TRPM2: variants seen among roughly 807,000 people sequenced by gnomAD.
TRPM2 encodes the protein estrogen-responsive element-associated gene 1 protein.
Under a neutral mutation model 174.0 loss-of-function variants are expected in TRPM2, and 161 were observed. The ratio of observed to expected loss-of-function variants is 0.93; its 90% CI spans 0.81 to 1.05. The LOEUF is 1.05. TRPM2 is among the 50% of genes least tolerant of loss of function. The pLI is 0.00. For synonymous variants in TRPM2, 954 were observed against 861.3 expected (o/e 1.11, Z -1.88); for missense variants, 2,057 against 2,038.0 (o/e 1.01, Z -0.18).
intron 5 of TRPM2, among the ~76,000 whole-genome samples, chr21:44,374,707 G>C (rs1602158222): frequency 6.6e-6 from 1 of 152,132 alleles, no homozygotes; most frequent in Admixed American, 6.5e-5. Context: ...TCTGACAGGA[G>C]GTGGAGCTCG....
chr21:44,356,246 A>T (rs1199836873), intron 2 of TRPM2, among the ~76,000 whole-genome samples: 3 of 149,958 alleles, frequency 2.0e-5, no homozygotes, highest in Admixed American at 2.0e-4. Context: ...GAATCTGCAG[A>T]TGCAAAACTC....
At chr21:44,405,604 C>T (rs1569075291) in intron 17 of TRPM2, among the ~76,000 whole-genome samples, 1 of 152,142 alleles carries the variant, frequency 6.6e-6, no homozygotes, top group Non-Finnish European at 1.5e-5. Flanking sequence ...GCCTGTGATG[C>T]TCTCGTGTCT....
rs1277236527 is a variant in TRPM2, at chr21:44,367,609, C to T, written c.604+675C>T. Among the ~76,000 whole-genome samples, 2 of 152,170 alleles carry T rather than the reference C, an allele frequency of 1.3e-5. No individual in the cohort carries two copies. The highest frequency in any genetic ancestry group is 4.8e-5 in the African/African-American group (2 of 41,452). On this transcript the variant is annotated intron_variant, in intron 4 of 31. Coordinates refer to ENST00000397928, the MANE Select transcript of TRPM2 (RefSeq NM_003307.4). This position sits in a 1 kb window ranked among gnomAD's most constrained non-coding sequence, Gnocchi z 4.6. ...AGGGGGCCCCAAGTCCTCAAGGCTC[C>T]CTGGGCCTCCCTGGAGGGGACTGTG...
Position 44,414,053 on chromosome 21 carries a change from ACCT to A in TRPM2, c.3130_3132del (p.Leu1044del), listed in dbSNP as rs2050194655. On this transcript the variant is annotated inframe_deletion, in exon 20 of 32. Coordinates refer to ENST00000397928, the MANE Select transcript of TRPM2 (RefSeq NM_003307.4). ...CTCTTCACCAACATCCTGCTGCTCA[ACCT>A]CCTCATCGCCATGTTCAAGTGAGCG... 4.4e-6 allele frequency: 7 copies of A among 1,598,688 alleles called. No individual in the cohort carries two copies. Among genetic ancestry groups the A allele is most frequent in the South Asian group, 2.2e-5 (2 of 90,896 alleles).
At chr21:44,414,303 G>C (rs1446066856) in intron 20 of TRPM2, among the ~76,000 whole-genome samples, 1 of 152,242 alleles carries the variant, frequency 6.6e-6, no homozygotes, top group African/African-American at 2.4e-5. Context: ...GTCTGTCCTT[G>C]TGGCTGCTGG....
Position 44,439,947 on chromosome 21 carries a change from T to C in TRPM2, c.4269+779T>C, listed in dbSNP as rs1238854923. ...CATGTTGCCCAGGCTGGTCATGAAC[T>C]GGGCTCAAGCGATCTGCCCACCTCA... On this transcript the variant is annotated intron_variant, in intron 30 of 31. Transcript: ENST00000397928. This position sits in a 1 kb window ranked among gnomAD's most constrained non-coding sequence, Gnocchi z 5.1. Among the ~76,000 whole-genome samples, 1 of 151,930 alleles carries C rather than the reference T, an allele frequency of 6.6e-6. No homozygotes were observed. Among genetic ancestry groups the C allele is most frequent in the African/African-American group, 2.4e-5 (1 of 41,410 alleles).
intron 29 of TRPM2, among the ~76,000 whole-genome samples, chr21:44,437,889 T>C (rs908067110): frequency 5.3e-5 from 8 of 152,238 alleles, no homozygotes; most frequent in African/African-American, 1.9e-4. Flanking sequence ...GGCCTGGCCG[T>C]GGCGCATGGC....
Position 44,391,484 on chromosome 21 carries a change from C to T in TRPM2, c.1653C>T (p.Pro551=), listed in dbSNP as rs770907591. 18 of 1,589,184 alleles carry T rather than the reference C, an allele frequency of 1.1e-5. No homozygotes were observed. The East Asian group carries it at 1.2e-4, about 10-fold the overall frequency. ...ATCCCGAGCGCCCGGCTTGCGCGCC[C>T]GCGGCGCCCCGCCTGCAGATGCACC... is the stretch of plus-strand genomic sequence containing the variant. ...VEDPERPACA[P]AAPRLQMHHV... The change falls in exon 11 of 32, where the codon CCC becomes CCT. Residue 551 remains proline, a synonymous_variant. Transcript: ENST00000397928. This position sits in a 1 kb window ranked among gnomAD's most constrained non-coding sequence, Gnocchi z 5.0.
chr21:44,353,385 C>A, upstream of TRPM2: 1 of 233,422 alleles, frequency 4.3e-6, no homozygotes, highest in Non-Finnish European at 8.3e-6. Flanking sequence ...CTGCAGTCAC[C>A]TGAGGTTGTT....
intron 11 of TRPM2, among the ~76,000 whole-genome samples, chr21:44,392,695 C>T (rs773491880): frequency 1.3e-5 from 2 of 152,082 alleles, no homozygotes; most frequent in African/African-American, 2.4e-5. Flanking sequence ...GTTAGGGCTT[C>T]AACATATGAA....
Position 44,397,892 on chromosome 21 carries a change from C to T in TRPM2, c.2062+16C>T. The T allele has an allele frequency of 1.3e-6, 2 of 1,578,672 alleles. No individual in the cohort carries two copies. Among genetic ancestry groups the T allele is most frequent in the East Asian group, 2.3e-5 (1 of 43,924 alleles). On this transcript the variant is annotated intron_variant, in intron 13 of 31. Coordinates refer to ENST00000397928, the MANE Select transcript of TRPM2 (RefSeq NM_003307.4). ...AGAGCCATCGGTGAGCTCTGCCGGG[C>T]ACGGGCTGCAGGCCATGGCTCAGCC...
chr21:44,405,200 A>T lies in TRPM2; in HGVS notation c.2597A>T (p.Asp866Val). The part of the protein sequence containing the change: ...LMKKAALYFS[D>V]FWNKLDVGAI... ...AAGAAGGCAGCCTTGTACTTCAGTG[A>T]CTTCTGGAATAAGCTGGACGTCGGC... The change falls in exon 17 of 32, where the codon GAC (aspartate) becomes GTC (valine). Residue 866 changes from aspartate to valine, a missense_variant. Physicochemically the swap from Asp to Val is radical, Grantham distance 152. Transcript: ENST00000397928. The T allele has an allele frequency of 6.2e-7, 1 of 1,613,492 alleles. No individual in the cohort carries two copies.
At position 44,418,565 on chromosome 21, in the gene TRPM2, C is replaced by T; in HGVS notation, c.3461+10C>T. The T allele has an allele frequency of 6.2e-7, 1 of 1,613,680 alleles. No homozygotes were observed. Among genetic ancestry groups the T allele is most frequent in the Non-Finnish European group, 8.5e-7 (1 of 1,179,752 alleles). On this transcript the variant is annotated intron_variant, in intron 22 of 31. Coordinates refer to ENST00000397928, the MANE Select transcript of TRPM2 (RefSeq NM_003307.4). ...AGGACATCAGCAATAAGTATGGGGG[C>T]TCCGGTGGGCCTGGGGGCGGGAAGC...
intron 8 of TRPM2, among the ~76,000 whole-genome samples, chr21:44,381,985 GATAGATA>G (rs1481049917): frequency 7.1e-6 from 1 of 139,988 alleles, no homozygotes; most frequent in Non-Finnish European, 1.6e-5. Context: ...TAGATAGATA[GATAGATA>G]GATGGATGAT....
In TRPM2 at chr21:44,379,026, C is replaced by A. The variant is rs1395319937; in HGVS notation, c.1044C>A (p.Thr348=). The change falls in exon 8 of 32, where the codon ACC becomes ACA. Residue 348 remains threonine, a synonymous_variant. Transcript: ENST00000397928. ...TCGACAACGCCACCACCAACGGCACCCCCTGTGTGGTTGTGGAGGGCTCGG... is the reference window on the plus strand; with the variant it reads ...TCGACAACGCCACCACCAACGGCACACCCTGTGTGGTTGTGGAGGGCTCGG... ...HTIDNATTNG[T]PCVVVEGSGR... is the part of the protein sequence containing the mutation. The A allele has an allele frequency of 6.2e-7, 1 of 1,609,042 alleles. No homozygotes were observed. Among genetic ancestry groups the A allele is most frequent in the Admixed American group, 1.7e-5 (1 of 60,022 alleles).
intron 19 of TRPM2, among the ~76,000 whole-genome samples, chr21:44,410,504 G>GGTGA (rs1444595591): frequency 4.9e-4 from 32 of 65,196 alleles, no homozygotes; most frequent in African/African-American, 6.5e-4. Flanking sequence ...GCACTGTCTT[G>GGTGA]GCGTAGACTT....
intron 9 of TRPM2, among the ~76,000 whole-genome samples, chr21:44,386,716 A>AT (rs199604807): frequency 0.2 from 28,856 of 146,390 alleles, 3,256 homozygotes; most frequent in South Asian, 0.34. Flanking sequence ...AACCCCAGTG[A>AT]TTTTTTTTTT....
chr21:44,427,927 T>C (rs888143961), intron 27 of TRPM2, among the ~76,000 whole-genome samples: 2 of 151,086 alleles, frequency 1.3e-5, no homozygotes, highest in African/African-American at 4.9e-5. Flanking sequence ...CAAGGGCGGG[T>C]GTTTAGGGAG....
chr21:44,428,266 G>A (rs922606612), intron 27 of TRPM2, among the ~76,000 whole-genome samples: 1 of 152,164 alleles, frequency 6.6e-6, no homozygotes, highest in East Asian at 1.9e-4. Context: ...ACAGCTGAAG[G>A]CTGATTGTAT....
Sources: allele counts gnomAD v4.1 joint callset (sites outside exome capture counted in the v4.1 genomes callset), GRCh38; gene constraint gnomAD v4.1.1; non-coding constraint Gnocchi (gnomAD v3.1); transcripts MANE v1.5; gene names NCBI Gene and HGNC (gene_info 2026-07-23, HGNC 2026-07-21).